The following C12orf42 variants were observed in gnomAD, a reference collection of about 807,000 sequenced individuals.
C12orf42 encodes the protein uncharacterized protein C12orf42.
In C12orf42, 25 loss-of-function variants were observed where a neutral mutation model predicts 21.6. The observed-to-expected ratio is 1.16, with a 90% CI of 0.84 to 1.62. C12orf42 has a LOEUF of 1.62. Among genes scored for constraint, C12orf42 ranks in the 40% most tolerant of loss-of-function variants. C12orf42 has a pLI of 0.00. For missense variants in C12orf42, 483 were observed against 459.3 expected (o/e 1.05, Z -0.47); for synonymous variants, 174 against 175.0 (o/e 0.99, Z 0.05).
intron 4 of C12orf42, among the ~76,000 whole-genome samples, chr12:103,343,607 C>G (rs1028930302): frequency 1.3e-5 from 2 of 151,706 alleles, no homozygotes; most frequent in Non-Finnish European, 2.9e-5. Flanking sequence ...GGTGAAACCC[C>G]GTTTCTACTA....
At chr12:103,338,709 C>T (rs1307190226) in intron 4 of C12orf42, among the ~76,000 whole-genome samples, 1 of 152,056 alleles carries the variant, frequency 6.6e-6, no homozygotes, top group Non-Finnish European at 1.5e-5. Context: ...GGGTCCCTGG[C>T]ACTTGTTAAA....
chr12:103,247,323 C>A (rs2034057613), intron 10 of C12orf42, among the ~76,000 whole-genome samples: 1 of 150,348 alleles, frequency 6.7e-6, no homozygotes, highest in South Asian at 2.2e-4. Flanking sequence ...AAAAATAGAG[C>A]CAGAACAAAC....
At chr12:103,189,038 T>C in the C12orf42 span, among the ~76,000 whole-genome samples, 50 of 152,340 alleles carry the variant, frequency 3.3e-4, no homozygotes, top group African/African-American at 1.2e-3. Context: ...ATTTGTTTAA[T>C]TGGTTAAGAT....
At chr12:103,126,519 T>C in the C12orf42 span, among the ~76,000 whole-genome samples, 1 of 152,204 alleles carries the variant, frequency 6.6e-6, no homozygotes, top group Non-Finnish European at 1.5e-5. Context: ...TAAGAGAAGA[T>C]GCCCACCATG....
chr12:103,553,812 G>C, the C12orf42 span, among the ~76,000 whole-genome samples: 1 of 152,172 alleles, frequency 6.6e-6, no homozygotes, highest in African/African-American at 2.4e-5. Context: ...AGAGGAGACA[G>C]AGGAGTTCTA....
At chr12:103,499,006 A>G (rs913365281), upstream of C12orf42, among the ~76,000 whole-genome samples, 1 of 151,906 alleles carries the variant, frequency 6.6e-6, no homozygotes, top group African/African-American at 2.4e-5. Context: ...CTGCACATGT[A>G]CCCCAGAACT....
intron 5 of C12orf42, among the ~76,000 whole-genome samples, chr12:103,274,955 T>C (rs747671519): frequency 6.6e-6 from 1 of 152,156 alleles, no homozygotes. Flanking sequence ...CTATCCACAT[T>C]TGGCAATTTT....
chr12:103,478,734 G>C (rs1298509267), intron 1 of C12orf42, among the ~76,000 whole-genome samples: 1 of 152,018 alleles, frequency 6.6e-6, no homozygotes, highest in African/African-American at 2.4e-5. Flanking sequence ...TCTATTGCAA[G>C]ATATAATCCT....
chr12:103,296,772 A>G (rs148194422), intron 4 of C12orf42, among the ~76,000 whole-genome samples: 6,139 of 152,164 alleles, frequency 0.04, 410 homozygotes, highest in African/African-American at 0.14. Context: ...TTTGTCAGAT[A>G]AGTAGATTGC....
At chr12:103,517,119 G>A in the C12orf42 span, among the ~76,000 whole-genome samples, 1 of 152,210 alleles carries the variant, frequency 6.6e-6, no homozygotes, top group Non-Finnish European at 1.5e-5. Flanking sequence ...GACATAATAA[G>A]ACCAATGGGA....
At chr12:103,226,816 A>G in the C12orf42 span, among the ~76,000 whole-genome samples, 18 of 152,232 alleles carry the variant, frequency 1.2e-4, no homozygotes, top group African/African-American at 4.1e-4. Context: ...GTTGGTACTG[A>G]GGGGACAGGC....
chr12:103,510,259 G>A, the C12orf42 span, among the ~76,000 whole-genome samples: 1 of 152,190 alleles, frequency 6.6e-6, no homozygotes, highest in Non-Finnish European at 1.5e-5. Context: ...CTCAGGAATA[G>A]AAAACCAAAC....
the C12orf42 span, among the ~76,000 whole-genome samples, chr12:103,226,088 G>A: frequency 3.9e-5 from 6 of 152,192 alleles, no homozygotes; most frequent in Non-Finnish European, 5.9e-5. Flanking sequence ...GGCTTAGGAG[G>A]AATCCCAGGC....
chr12:103,541,130 C>T, the C12orf42 span, among the ~76,000 whole-genome samples: 1 of 152,108 alleles, frequency 6.6e-6, no homozygotes, highest in Non-Finnish European at 1.5e-5. Context: ...TCTCAAACTC[C>T]TGAGCTCAGG....
intron 3 of C12orf42, among the ~76,000 whole-genome samples, chr12:103,376,441 C>A (rs2040108904): frequency 6.6e-6 from 1 of 152,050 alleles, no homozygotes; most frequent in Admixed American, 6.6e-5. Context: ...AGCATTAGGA[C>A]AAATACCTAA....
the C12orf42 span, among the ~76,000 whole-genome samples, chr12:103,552,245 T>C: frequency 6.6e-6 from 1 of 152,346 alleles, no homozygotes; most frequent in East Asian, 1.9e-4. Flanking sequence ...ACTGACTCAC[T>C]ATCTGTAGCC....
intron 5 of C12orf42, chr12:103,274,026 T>C: frequency 2.3e-6 from 1 of 439,176 alleles, no homozygotes; most frequent in Non-Finnish European, 4.6e-6. Context: ...AGTTCCTCTC[T>C]GCCTTTCAGA....
the C12orf42 span, among the ~76,000 whole-genome samples, chr12:103,530,867 C>G: frequency 7.9e-5 from 12 of 152,184 alleles, no homozygotes; most frequent in Non-Finnish European, 1.5e-4. Context: ...CAAATCTATT[C>G]CCGCCACAGC....
At chr12:103,112,491 G>T in the C12orf42 span, among the ~76,000 whole-genome samples, 5 of 151,862 alleles carry the variant, frequency 3.3e-5, no homozygotes, top group Non-Finnish European at 5.9e-5. Context: ...GAAACCCTGT[G>T]TCTACTAAAA....
Sources: gnomAD v4.1 joint callset for allele counts (sites outside exome capture counted in the v4.1 genomes callset) on GRCh38, gnomAD v4.1.1 for gene constraint, MANE v1.5 for transcripts, NCBI Gene and HGNC (gene_info 2026-07-23, HGNC 2026-07-21) for gene names.